Variants in DGKB observed in about 807,000 individuals in gnomAD.
The protein encoded by DGKB is diacylglycerol kinase beta, also known as 90 kDa diacylglycerol kinase.
Under a neutral mutation model 114.3 loss-of-function variants are expected in DGKB, and 67 were observed. The ratio of observed to expected loss-of-function variants is 0.59; its 90% CI spans 0.48 to 0.72. The LOEUF (loss-of-function observed/expected upper bound fraction) is 0.72. Among genes scored for constraint, DGKB ranks in the 30% least tolerant of loss-of-function variants. The pLI is 0.00. For synonymous variants in DGKB, 398 were observed against 323.1 expected (o/e 1.23, Z -2.49); for missense variants, 907 against 975.2 (o/e 0.93, Z 0.93).
chr7:14,484,152 G>C (rs1783412999), intron 20 of DGKB, among the ~76,000 whole-genome samples: 3 of 151,510 alleles, frequency 2.0e-5, no homozygotes, highest in Non-Finnish European at 1.5e-5. Flanking sequence ...ACACAGTTTA[G>C]AATCTATAAC....
chr7:14,364,253 G>A lies in DGKB; in HGVS notation c.1836-18862C>T, dbSNP rs188655307. 2.4e-3 allele frequency among the ~76,000 whole-genome samples: 358 copies of A among 152,068 alleles called. 1 individual carries two copies. The highest frequency in any genetic ancestry group is 4.7e-3 in the Admixed American group (72 of 15,230). On this transcript the variant is annotated intron_variant, in intron 21 of 25. Transcript: ENST00000402815. ...GCTCCAAAAATACAGACATAGCAAT[G>A]AACAACCCTGAAATTCCCTTCCTTT...
chr7:14,179,544 T>G (rs906073339), intron 23 of DGKB, among the ~76,000 whole-genome samples: 45 of 152,302 alleles, frequency 3.0e-4, no homozygotes, highest in African/African-American at 1.0e-3. Flanking sequence ...GAATCCACTT[T>G]GTACAGAAAG....
At chr7:14,696,807 G>A (rs1303840380) in intron 8 of DGKB, among the ~76,000 whole-genome samples, 1 of 152,130 alleles carries the variant, frequency 6.6e-6, no homozygotes, top group African/African-American at 2.4e-5. Context: ...CTCACTAGAA[G>A]CACAGCATAT....
chr7:14,945,635 A>C (rs1785829861), intron 1 of DGKB, among the ~76,000 whole-genome samples: 1 of 151,922 alleles, frequency 6.6e-6, no homozygotes, highest in East Asian at 1.9e-4. Flanking sequence ...ATCAGAAGCA[A>C]CTATATCAGA....
chr7:14,417,002 T>G (rs1258271677), intron 21 of DGKB, among the ~76,000 whole-genome samples: 1 of 152,082 alleles, frequency 6.6e-6, no homozygotes, highest in African/African-American at 2.4e-5. Context: ...AATGAAATAT[T>G]CTCACAGTTA....
intron 21 of DGKB, among the ~76,000 whole-genome samples, chr7:14,397,363 G>A (rs974166538): frequency 1.3e-5 from 2 of 152,124 alleles, no homozygotes; most frequent in Non-Finnish European, 2.9e-5. Context: ...TAGGAGAATA[G>A]AAGTACTAGT....
intron 23 of DGKB, among the ~76,000 whole-genome samples, chr7:14,317,049 A>C (rs1280669223): frequency 1.6e-4 from 10 of 60,904 alleles, no homozygotes; most frequent in Admixed American, 1.4e-3. Flanking sequence ...GATTATCTCA[A>C]TAGATGCAGA....
intron 3 of DGKB, 149 bp downstream of exon 3, chr7:14,757,506 A>C: frequency 1.9e-6 from 1 of 518,094 alleles, no homozygotes; most frequent in Non-Finnish European, 3.5e-6. Flanking sequence ...ACATACACAT[A>C]TACATACATC....
intron 7 of DGKB, among the ~76,000 whole-genome samples, chr7:14,699,629 C>T (rs1010820496): frequency 2.0e-5 from 3 of 152,018 alleles, no homozygotes; most frequent in Admixed American, 6.6e-5. Flanking sequence ...TCTGTTTTGC[C>T]TCCAGTAGGT....
chr7:14,211,272 T>A (rs1787744147), intron 23 of DGKB, among the ~76,000 whole-genome samples: 1 of 128,984 alleles, frequency 7.8e-6, no homozygotes. Context: ...ATGAAGTCTC[T>A]TTCCTTAGCC....
intron 17 of DGKB, among the ~76,000 whole-genome samples, chr7:14,606,961 C>T (rs1804633878): frequency 6.6e-6 from 1 of 151,878 alleles, no homozygotes; most frequent in Non-Finnish European, 1.5e-5. Context: ...AAGACCTTGG[C>T]AATGACCTTA....
chr7:14,222,260 A>G (rs1790104506), intron 23 of DGKB, among the ~76,000 whole-genome samples: 1 of 150,440 alleles, frequency 6.6e-6, no homozygotes, highest in Non-Finnish European at 1.5e-5. Context: ...CTATTTATTT[A>G]AGCTGTTTTT....
chr7:14,355,747 T>G (rs906389549), intron 21 of DGKB, among the ~76,000 whole-genome samples: 1 of 152,242 alleles, frequency 6.6e-6, no homozygotes, highest in Non-Finnish European at 1.5e-5. Flanking sequence ...TTTTTTTTTG[T>G]TGTGTCTCTG....
intron 23 of DGKB, among the ~76,000 whole-genome samples, chr7:14,262,844 A>G (rs1283440335): frequency 6.6e-6 from 1 of 152,216 alleles, no homozygotes; most frequent in East Asian, 1.9e-4. Flanking sequence ...CAGCAGCAGT[A>G]AACTGAACAA....
chr7:14,162,446 G>C (rs201759990), intron 25 of DGKB, among the ~76,000 whole-genome samples: 2 of 152,036 alleles, frequency 1.3e-5, no homozygotes, highest in Non-Finnish European at 2.9e-5. Context: ...TTACAGGCTT[G>C]GGTCACATCA....
At chr7:14,874,322 T>C (rs910506477) in intron 1 of DGKB, among the ~76,000 whole-genome samples, 1 of 152,076 alleles carries the variant, frequency 6.6e-6, no homozygotes, top group African/African-American at 2.4e-5. Context: ...TTTACAAAAA[T>C]ACGATTTTTA....
chr7:14,519,349 C>T (rs1789363292), intron 20 of DGKB, among the ~76,000 whole-genome samples: 1 of 151,996 alleles, frequency 6.6e-6, no homozygotes, highest in Non-Finnish European at 1.5e-5. Context: ...AACATACATG[C>T]AATCTTTCCA....
chr7:14,347,293 AGCACTG>A (rs1441685048), intron 21 of DGKB, among the ~76,000 whole-genome samples: 1 of 152,042 alleles, frequency 6.6e-6, no homozygotes, highest in Non-Finnish European at 1.5e-5. Context: ...TCAGATAACA[AGCACTG>A]GCAAGGGTGT....
intron 20 of DGKB, among the ~76,000 whole-genome samples, chr7:14,538,294 A>T (rs1792867655): frequency 6.6e-6 from 1 of 152,032 alleles, no homozygotes; most frequent in Non-Finnish European, 1.5e-5. Flanking sequence ...ACAAAAAACA[A>T]CAAAATAACC....
Sources: gnomAD v4.1 joint callset for allele counts (sites outside exome capture counted in the v4.1 genomes callset) on GRCh38, gnomAD v4.1.1 for gene constraint, MANE v1.5 for transcripts, NCBI Gene and HGNC (gene_info 2026-07-23, HGNC 2026-07-21) for gene names.